PADI2: variants seen among roughly 807,000 people sequenced by gnomAD.
The protein encoded by PADI2 is protein-arginine deiminase type-2.
Under a neutral mutation model 81.1 loss-of-function variants are expected in PADI2, and 70 were observed. The ratio of observed to expected loss-of-function variants is 0.86; its 90% CI spans 0.71 to 1.05. The LOEUF (loss-of-function observed/expected upper bound fraction) is 1.05. Ranked by LOEUF, PADI2 falls within the 50% of genes least tolerant of loss-of-function variation. The pLI is 0.00. For synonymous variants in PADI2, 338 were observed against 358.0 expected (o/e 0.94, Z 0.63); for missense variants, 853 against 889.9 (o/e 0.96, Z 0.53).
chr1:17,097,281 C>G lies in PADI2; in HGVS notation c.350-1311G>C, dbSNP rs138739738. 2.5e-3 allele frequency among the ~76,000 whole-genome samples: 376 copies of G among 152,330 alleles called. 4 individuals are homozygous for G. Among genetic ancestry groups the G allele is most frequent in the Admixed American group, 0.023 (351 of 15,298 alleles). On this transcript the variant is annotated intron_variant, in intron 3 of 15. Transcript: ENST00000375486. ...GGAGGGTCCTGGCACACGAAGTGCA[C>G]TGATGTCACCCTTCTCTGGGCCAAC...
intron 12 of PADI2, 144 bp from the exon 13 acceptor site, chr1:17,075,093 G>C (rs2078292154): frequency 1.8e-6 from 1 of 552,604 alleles, no homozygotes; most frequent in Admixed American, 3.3e-5. Flanking sequence ...GACGGGGAGG[G>C]TGTTCTCTGC....
rs551970898 is a variant in PADI2 at position 17,069,020 on chromosome 1, G to A, written c.*24C>T. 2 of 1,552,878 alleles carry A rather than the reference G, an allele frequency of 1.3e-6. No homozygotes were observed. Among genetic ancestry groups the A allele is most frequent in the African/African-American group, 2.7e-5 (2 of 73,742 alleles). ...GGGTCTGGAGAACTAAGCGAAGGAG[G>A]CAAACGCCAGGGCCCCTGGCAGGTC... On this transcript the variant is annotated 3_prime_UTR_variant, in exon 16 of 16. Coordinates refer to ENST00000375486, the MANE Select transcript of PADI2 (RefSeq NM_007365.3).
intron 13 of PADI2, among the ~76,000 whole-genome samples, chr1:17,072,671 G>T (rs750781644): frequency 1.3e-5 from 2 of 152,136 alleles, no homozygotes; most frequent in African/African-American, 2.4e-5. Flanking sequence ...TTTCACTCCT[G>T]AACTGACAAT....
Position 17,093,671 on chromosome 1 carries a change from C to CCTGT in PADI2, c.424_425insACAG (p.Trp142TyrfsTer16). 1 of 1,610,832 alleles carries CCTGT rather than the reference C, an allele frequency of 6.2e-7. No individual in the cohort carries two copies. The highest frequency in any genetic ancestry group is 1.1e-5 in the South Asian group (1 of 90,932). On this transcript the variant is annotated frameshift_variant, in exon 5 of 16. Coordinates refer to ENST00000375486, the MANE Select transcript of PADI2 (RefSeq NM_007365.3). LOFTEE classifies it high-confidence loss of function. ...GATGGCCCCCTGGCCCTCGGGGCCC[C>CCTGT]AGGTCCAGGATGCCTACAGTGGCAG... is the stretch of plus-strand genomic sequence containing the variant.
chr1:17,082,508 A>T, intron 10 of PADI2, 37 bp downstream of exon 10: 1 of 1,305,050 alleles, frequency 7.7e-7, no homozygotes, highest in Non-Finnish European at 1.1e-6. Context: ...AATCTCCAGG[A>T]TCATGCTCCA....
At chr1:17,073,741 C>T (rs2078281377) in intron 13 of PADI2, among the ~76,000 whole-genome samples, 1 of 151,956 alleles carries the variant, frequency 6.6e-6, no homozygotes, top group African/African-American at 2.4e-5. Flanking sequence ...GCACATGTAC[C>T]CCCTAAATCT....
In PADI2 at chr1:17,115,108, A is replaced by G. The variant is rs987888520; in HGVS notation, c.92+4172T>C. ...CCAAGAGACAGAAAGTCTGGGAGTGAGTTTGTGCCAAAGTCTAGGAGCGCC... is the reference window on the plus strand; with the variant it reads ...CCAAGAGACAGAAAGTCTGGGAGTGGGTTTGTGCCAAAGTCTAGGAGCGCC... On this transcript the variant is annotated intron_variant, in intron 1 of 15. Transcript: ENST00000375486. This position sits in a 1 kb window ranked among gnomAD's most constrained non-coding sequence, Gnocchi z 4.1. Among the ~76,000 whole-genome samples the G allele has an allele frequency of 1.6e-4, 25 of 152,232 alleles. No individual in the cohort carries two copies. The highest frequency in any genetic ancestry group is 3.5e-4 in the Non-Finnish European group (24 of 68,040).
At position 17,075,679 on chromosome 1, in the gene PADI2, C is replaced by T. The variant is rs1023688012; in HGVS notation, c.1455G>A (p.Lys485=). 2 of 1,610,858 alleles carry T rather than the reference C, an allele frequency of 1.2e-6. No homozygotes were observed. Among genetic ancestry groups the T allele is most frequent in the Non-Finnish European group, 1.7e-6 (2 of 1,178,818 alleles). The change falls in exon 12 of 16, where the codon AAG becomes AAA. Residue 485 remains lysine, a splice_region_variant and synonymous_variant. Transcript: ENST00000375486. ...FMSFVPIPGT[K]KFLLLMASTS... ...CTCCAGCCTCGGGAGGCTAGCTTAC[C>T]TTTGTGCCGGGGATGGGGACAAAGG...
Position 17,079,312 on chromosome 1 carries a change from C to T in PADI2, c.1262G>A (p.Gly421Asp). The change falls in exon 11 of 16, where the codon GGC (glycine) becomes GAC (aspartate). Residue 421 changes from glycine to aspartate, a missense_variant. Coordinates refer to ENST00000375486, the MANE Select transcript of PADI2 (RefSeq NM_007365.3). Reference sequence around the variant, plus strand: ...GATGCGGCCAAGCGGGTATGTCTTGCCGTTCACGGTCACTGGGGGACTGAC... The same window carrying T: ...GATGCGGCCAAGCGGGTATGTCTTGTCGTTCACGGTCACTGGGGGACTGAC... ...LEVSPPVTVN[G>D]KTYPLGRILI... is the part of the protein sequence containing the mutation. The T allele has an allele frequency of 6.2e-7, 1 of 1,614,064 alleles. No homozygotes were observed. The highest frequency in any genetic ancestry group is 8.5e-7 in the Non-Finnish European group (1 of 1,179,962).
chr1:17,075,340 C>A, intron 12 of PADI2: 1 of 335,770 alleles, frequency 3.0e-6, no homozygotes, highest in Non-Finnish European at 5.5e-6. Flanking sequence ...TAGCCACTAG[C>A]CTTATGTGAC....
Position 17,082,628 on chromosome 1 carries a change from C to T in PADI2, c.1075G>A (p.Glu359Lys), listed in dbSNP as rs377082407. Residue 359 changes from glutamate to lysine, a missense_variant, in exon 10 of 16, where the codon GAG becomes AAG. By Grantham distance (56) the Glu-to-Lys change is moderately conservative. Transcript: ENST00000375486. Reference protein sequence around the residue: ...IQDEIEFGYIEAPHKGFPVVL... With the variant: ...IQDEIEFGYIKAPHKGFPVVL... Reference sequence around the variant, plus strand: ...ACGGGGAAGCCTTTATGGGGGGCCTCGATGTAGCCAAACTCAATTTCATCC... The same window carrying T: ...ACGGGGAAGCCTTTATGGGGGGCCTTGATGTAGCCAAACTCAATTTCATCC... The T allele has an allele frequency of 2.9e-5, 46 of 1,608,032 alleles. No homozygotes were observed. In the African/African-American group the frequency reaches 3.4e-4, roughly 12 times the overall value.
intron 3 of PADI2, among the ~76,000 whole-genome samples, chr1:17,102,758 G>GGT (rs1337126366): frequency 6.6e-6 from 1 of 151,246 alleles, no homozygotes; most frequent in East Asian, 1.9e-4. Context: ...ACTTGGGGGG[G>GGT]GGTTGCTGAT....
rs144645786 is a variant in PADI2, at chr1:17,104,076, A to T, written c.276+802T>A. Among the ~76,000 whole-genome samples, 1,032 of 151,656 alleles carry T rather than the reference A, an allele frequency of 6.8e-3. 12 individuals are homozygous for T. The highest frequency in any genetic ancestry group is 0.022 in the African/African-American group (925 of 41,298). The stretch of plus-strand genomic sequence containing the variant: ...GGTGGGCGGATCACAAGGTCAGGAG[A>T]TCGACAGCATCCTGGCTAACACGGT... On this transcript the variant is annotated intron_variant, in intron 2 of 15. Coordinates refer to ENST00000375486, the MANE Select transcript of PADI2 (RefSeq NM_007365.3).
chr1:17,076,420 G>A (rs963723177), intron 11 of PADI2, among the ~76,000 whole-genome samples: 11 of 151,936 alleles, frequency 7.2e-5, no homozygotes, highest in African/African-American at 1.2e-4. Flanking sequence ...TCACCATGTT[G>A]GCCAAGCTGG....
chr1:17,101,646 G>A (rs1293981944), intron 3 of PADI2, among the ~76,000 whole-genome samples: 2 of 152,168 alleles, frequency 1.3e-5, no homozygotes, highest in African/African-American at 4.8e-5. Flanking sequence ...AGCCAAGAAT[G>A]AGAAGGGCCC....
In PADI2 at chr1:17,086,732, C is replaced by A; in HGVS notation, c.656-33G>T. 2 of 1,596,674 alleles carry A rather than the reference C, an allele frequency of 1.3e-6. 1 individual carries two copies. The highest frequency in any genetic ancestry group is 2.7e-5 in the African/African-American group (2 of 74,648). On this transcript the variant is annotated intron_variant, in intron 6 of 15. Coordinates refer to ENST00000375486, the MANE Select transcript of PADI2 (RefSeq NM_007365.3). ...GAAAAGGACCAACGTCAGACTCCCACCCGCATCAGAAAGAGGTCGGTGGGG... is the reference window on the plus strand; with the variant it reads ...GAAAAGGACCAACGTCAGACTCCCAACCGCATCAGAAAGAGGTCGGTGGGG...
Position 17,119,097 on chromosome 1 carries a change from G to A in PADI2, c.92+183C>T, listed in dbSNP as rs1931853702. ...GGGAGAGTCTCAGGGTTTCTGGAAG[G>A]TGGACACAAGGTTCGGGGGTTGTCA... On this transcript the variant is annotated intron_variant, in intron 1 of 15. Transcript: ENST00000375486. This position sits in a 1 kb window ranked among gnomAD's most constrained non-coding sequence, Gnocchi z 4.8. Among the ~76,000 whole-genome samples, 1 of 152,100 alleles carries A rather than the reference G, an allele frequency of 6.6e-6. No individual in the cohort carries two copies. Among genetic ancestry groups the A allele is most frequent in the Non-Finnish European group, 1.5e-5 (1 of 68,022 alleles).
Position 17,069,055 on chromosome 1 carries a change from T to TGTGCCACCAC in PADI2, c.1977_1986dup (p.Met663ValfsTer79). On this transcript the variant is annotated frameshift_variant, in exon 16 of 16. Transcript: ENST00000375486. LOFTEE classifies it high-confidence loss of function. The stretch of plus-strand genomic sequence containing the variant: ...GGGCCCCTGGCAGGTCAGGGCACCA[T>TGTGCCACCAC]GTGCCACCACTTGAAGGTGAAGGGC... The TGTGCCACCAC allele has an allele frequency of 6.2e-7, 1 of 1,612,544 alleles. No individual in the cohort carries two copies. The highest frequency in any genetic ancestry group is 1.1e-5 in the South Asian group (1 of 91,056).
intron 10 of PADI2, among the ~76,000 whole-genome samples, chr1:17,081,171 C>G (rs1262840693): frequency 1.3e-5 from 2 of 152,212 alleles, no homozygotes; most frequent in Non-Finnish European, 2.9e-5. Flanking sequence ...TGGTTTGACT[C>G]TACTCATCAT....
Sources: gnomAD v4.1 joint callset for allele counts (sites outside exome capture counted in the v4.1 genomes callset) on GRCh38, gnomAD v4.1.1 for gene constraint, Gnocchi (gnomAD v3.1) non-coding constraint, MANE v1.5 for transcripts, NCBI Gene and HGNC (gene_info 2026-07-23, HGNC 2026-07-21) for gene names.